The following NR3C2 variants were observed in gnomAD, a reference collection of about 807,000 sequenced individuals.
NR3C2 encodes mineralocorticoid receptor.
In NR3C2, 15 loss-of-function variants were observed where a neutral mutation model predicts 86.4. The observed-to-expected ratio is 0.17, with a 90% CI of 0.12 to 0.27. The LOEUF (loss-of-function observed/expected upper bound fraction) is 0.27, where lower values mean the gene tolerates loss of function less well. Ranked by LOEUF, NR3C2 falls within the 10% of genes least tolerant of loss-of-function variation. The pLI is 1.00. For missense variants in NR3C2, 960 were observed against 1,195.6 expected, an observed-to-expected ratio of 0.80 and a Z score of 2.91; for synonymous variants, 458 against 450.5, an observed-to-expected ratio of 1.02 and a Z score of -0.21.
In NR3C2 at chr4:148,427,392, T is replaced by C. The variant is rs547310015; in HGVS notation, c.1757+7712A>G. ...CTTAACAATTTAGTCCTAAAATCAT[T>C]ACATAAGACACAGCAAAGTAGGTAT... On this transcript the variant is annotated intron_variant, in intron 2 of 8. Coordinates refer to ENST00000358102, the MANE Select transcript of NR3C2 (RefSeq NM_000901.5). 4.6e-5 allele frequency among the ~76,000 whole-genome samples: 7 copies of C among 152,180 alleles called. No homozygotes were observed. The South Asian group carries it at 1.5e-3, about 32-fold the overall frequency.
chr4:148,381,657 A>G (rs1746997985), intron 2 of NR3C2, among the ~76,000 whole-genome samples: 1 of 152,206 alleles, frequency 6.6e-6, no homozygotes, highest in Non-Finnish European at 1.5e-5. Context: ...ATTTTTAAAA[A>G]CACAAAATCA....
chr4:148,157,735 C>A (rs1044446559), intron 4 of NR3C2, among the ~76,000 whole-genome samples: 1 of 152,134 alleles, frequency 6.6e-6, no homozygotes, highest in African/African-American at 2.4e-5. Context: ...AAACAGACAC[C>A]TTCTACTTAA....
At chr4:148,311,988 T>TC (rs1742923496) in intron 2 of NR3C2, among the ~76,000 whole-genome samples, 1 of 152,246 alleles carries the variant, frequency 6.6e-6, no homozygotes, top group Admixed American at 6.5e-5. Flanking sequence ...AAAGCAGTAC[T>TC]CATGCATGGG....
At chr4:148,366,827 T>C (rs1319037762) in intron 2 of NR3C2, among the ~76,000 whole-genome samples, 2 of 152,152 alleles carry the variant, frequency 1.3e-5, no homozygotes, top group Non-Finnish European at 2.9e-5. Context: ...TAGGCTATCA[T>C]AACAATAACA....
intron 3 of NR3C2, among the ~76,000 whole-genome samples, chr4:148,227,075 AT>A (rs1738210832): frequency 6.6e-6 from 1 of 152,192 alleles, no homozygotes; most frequent in African/African-American, 2.4e-5. Context: ...CTGAATTATA[AT>A]TCAATACTCT....
At chr4:148,355,455 A>C (rs563586940) in intron 2 of NR3C2, among the ~76,000 whole-genome samples, 1 of 151,722 alleles carries the variant, frequency 6.6e-6, no homozygotes, top group Admixed American at 6.6e-5. Flanking sequence ...CCTCTACCCC[A>C]CTCCCACACT....
chr4:148,440,535 C>T (rs1004683533), intron 1 of NR3C2, among the ~76,000 whole-genome samples: 1 of 152,252 alleles, frequency 6.6e-6, no homozygotes, highest in African/African-American at 2.4e-5. Context: ...GCTTGCCTGC[C>T]TCACAATGGA....
intron 3 of NR3C2, among the ~76,000 whole-genome samples, chr4:148,217,068 C>T (rs1247669310): frequency 2.0e-5 from 3 of 152,218 alleles, no homozygotes; most frequent in African/African-American, 7.2e-5. Context: ...ATACAAATGA[C>T]ACTTAAGAAC....
At chr4:148,301,777 C>T (rs1742348800) in intron 2 of NR3C2, among the ~76,000 whole-genome samples, 1 of 152,266 alleles carries the variant, frequency 6.6e-6, no homozygotes, top group South Asian at 2.1e-4. Context: ...ATTTCAGTTT[C>T]AAAGTTGTCT....
chr4:148,183,957 T>C (rs1274258983), intron 4 of NR3C2, among the ~76,000 whole-genome samples: 2 of 151,988 alleles, frequency 1.3e-5, no homozygotes, highest in African/African-American at 4.8e-5. Context: ...ATATTTTTAG[T>C]TGTCACAACT....
chr4:148,216,551 T>C (rs2149822205), intron 3 of NR3C2, among the ~76,000 whole-genome samples: 1 of 152,330 alleles, frequency 6.6e-6, no homozygotes, highest in Non-Finnish European at 1.5e-5. Context: ...GAGGGCCACA[T>C]GTGCATATAG....
At chr4:148,431,175 T>A (rs1442656696) in intron 2 of NR3C2, among the ~76,000 whole-genome samples, 1 of 152,176 alleles carries the variant, frequency 6.6e-6, no homozygotes, top group East Asian at 1.9e-4. Context: ...TCTTTAAATC[T>A]GGTTTTAAAA....
At chr4:148,334,145 G>T (rs908422979) in intron 2 of NR3C2, among the ~76,000 whole-genome samples, 2 of 152,100 alleles carry the variant, frequency 1.3e-5, no homozygotes, top group African/African-American at 4.8e-5. Context: ...AAATTATGAA[G>T]AATACTAGGA....
intron 2 of NR3C2, among the ~76,000 whole-genome samples, chr4:148,395,878 G>A (rs1747831974): frequency 6.6e-6 from 1 of 152,218 alleles, no homozygotes; most frequent in African/African-American, 2.4e-5. Flanking sequence ...GATTGACCAT[G>A]TGTTGTGCTG....
intron 8 of NR3C2, among the ~76,000 whole-genome samples, chr4:148,086,963 A>G (rs145743447): frequency 8.3e-4 from 127 of 152,320 alleles, no homozygotes; most frequent in Non-Finnish European, 1.3e-3. Flanking sequence ...GGGTATTCAA[A>G]TAGGAAGACA....
At chr4:148,279,583 A>C (rs950745978) in intron 2 of NR3C2, among the ~76,000 whole-genome samples, 1 of 152,248 alleles carries the variant, frequency 6.6e-6, no homozygotes, top group Non-Finnish European at 1.5e-5. Context: ...AAGTCTTTAC[A>C]TAAAAGCAAT....
chr4:148,428,662 T>G (rs150304111), intron 2 of NR3C2, among the ~76,000 whole-genome samples: 1 of 152,198 alleles, frequency 6.6e-6, no homozygotes, highest in Non-Finnish European at 1.5e-5. Context: ...AAAATCAATT[T>G]TTATACAAAA....
At chr4:148,378,782 C>A (rs1746807177) in intron 2 of NR3C2, among the ~76,000 whole-genome samples, 1 of 152,094 alleles carries the variant, frequency 6.6e-6, no homozygotes, top group Non-Finnish European at 1.5e-5. Context: ...TTATAAATTG[C>A]CTAGTCTCAG....
chr4:148,182,927 G>A (rs1046604140), intron 4 of NR3C2, among the ~76,000 whole-genome samples: 2 of 152,052 alleles, frequency 1.3e-5, no homozygotes, highest in South Asian at 2.1e-4. Flanking sequence ...CCATCAACTC[G>A]TCATATACAT....
Sources: gnomAD v4.1 joint callset for allele counts (sites outside exome capture counted in the v4.1 genomes callset) on GRCh38, gnomAD v4.1.1 for gene constraint, MANE v1.5 for transcripts, NCBI Gene and HGNC (gene_info 2026-07-23, HGNC 2026-07-21) for gene names.